The following NCOA2 variants were observed in gnomAD, a reference collection of about 807,000 sequenced individuals.
The protein encoded by NCOA2 is nuclear receptor coactivator 2.
NCOA2 carries 21 observed loss-of-function variants against 145.1 expected under a neutral mutation model. The observed-to-expected ratio is 0.14, with a 90% CI of 0.10 to 0.21. NCOA2 has a LOEUF of 0.21. NCOA2 is among the 10% of genes least tolerant of loss of function. The pLI is 1.00. For synonymous variants in NCOA2, 619 were observed against 637.5 expected (o/e 0.97, Z 0.44); for missense variants, 1,472 against 1,837.6 (o/e 0.80, Z 3.64).
intron 5 of NCOA2, among the ~76,000 whole-genome samples, chr8:70,171,470 C>T (rs1180054394): frequency 1.3e-5 from 2 of 152,136 alleles, no homozygotes; most frequent in Non-Finnish European, 2.9e-5. Context: ...TCATGTTTAC[C>T]TTGGTGATGG....
chr8:70,159,246 T>TATATATATA lies in NCOA2; in HGVS notation c.1124+258_1124+259insTATATATAT, dbSNP rs1812687288. On this transcript the variant is annotated intron_variant, in intron 10 of 22. Transcript: ENST00000452400. ...ATTATATATATATATATATATATTT[T>TATATATATA]TTTTTTTTTCCCCCAAATATTTTCC... 1.2e-4 allele frequency among the ~76,000 whole-genome samples: 10 copies of TATATATATA among 86,354 alleles called. 1 individual carries two copies. The highest frequency in any genetic ancestry group is 2.7e-4 in the Admixed American group (2 of 7,522). 56.7% of individuals were successfully genotyped at this position (86,354 alleles called of 152,430 possible).
At chr8:70,206,585 G>A (rs116862037) in intron 4 of NCOA2, among the ~76,000 whole-genome samples, 166 of 152,206 alleles carry the variant, frequency 1.1e-3, no homozygotes, top group Middle Eastern at 3.4e-3. Context: ...CTAGAATCTG[G>A]AGAGGATGGT....
intron 1 of NCOA2, among the ~76,000 whole-genome samples, chr8:70,331,001 G>A (rs182661997): frequency 9.2e-5 from 14 of 151,474 alleles, no homozygotes; most frequent in East Asian, 6.0e-4. Context: ...AAAGCCTCCC[G>A]TACTCCCACT....
chr8:70,309,037 C>T (rs1828103377), intron 1 of NCOA2, among the ~76,000 whole-genome samples: 1 of 152,160 alleles, frequency 6.6e-6, no homozygotes, highest in Admixed American at 6.5e-5. Flanking sequence ...ACTCCTGAAA[C>T]CCTCGATCTT....
At chr8:70,169,258 T>G (rs1813965172) in intron 6 of NCOA2, among the ~76,000 whole-genome samples, 1 of 152,182 alleles carries the variant, frequency 6.6e-6, no homozygotes, top group African/African-American at 2.4e-5. Flanking sequence ...AATCATCACG[T>G]ACTCGGACGA....
At chr8:70,140,454 T>C (rs1810266753) in intron 14 of NCOA2, among the ~76,000 whole-genome samples, 2 of 152,116 alleles carry the variant, frequency 1.3e-5, no homozygotes, top group South Asian at 4.2e-4. Context: ...AGATGTTCTG[T>C]AAGACCTTGC....
At chr8:70,366,829 G>T (rs908471317) in intron 1 of NCOA2, among the ~76,000 whole-genome samples, 2 of 151,838 alleles carry the variant, frequency 1.3e-5, no homozygotes, top group Non-Finnish European at 2.9e-5. Context: ...GCAAAGATGG[G>T]ATCTCAGAAC....
chr8:70,228,017 A>C (rs989143580), intron 2 of NCOA2, among the ~76,000 whole-genome samples: 1 of 151,736 alleles, frequency 6.6e-6, no homozygotes, highest in African/African-American at 2.4e-5. Context: ...AAAAAAAAAA[A>C]AAAAGCCAAA....
At chr8:70,262,980 T>A (rs1399515016) in intron 2 of NCOA2, among the ~76,000 whole-genome samples, 1 of 151,640 alleles carries the variant, frequency 6.6e-6, no homozygotes, top group Non-Finnish European at 1.5e-5. Flanking sequence ...AGATAGAAAA[T>A]TCATTATTAC....
the NCOA2 span, among the ~76,000 whole-genome samples, chr8:70,443,889 A>G: frequency 2.6e-5 from 4 of 152,234 alleles, no homozygotes; most frequent in African/African-American, 7.2e-5. Context: ...AAAGAATAAT[A>G]CTATATATTC....
chr8:70,407,750 C>G (rs892841997), upstream of NCOA2, among the ~76,000 whole-genome samples: 3 of 151,996 alleles, frequency 2.0e-5, no homozygotes, highest in South Asian at 6.2e-4. Flanking sequence ...GAGCCAAGAT[C>G]GCACCACTGC....
rs554476628 is a variant in NCOA2, at chr8:70,236,468, T to A, written c.-19-19704A>T. 7.9e-5 allele frequency among the ~76,000 whole-genome samples: 12 copies of A among 152,188 alleles called. No homozygotes were observed. In the East Asian group the frequency reaches 2.3e-3, roughly 29 times the overall value. On this transcript the variant is annotated intron_variant, in intron 2 of 22. Coordinates refer to ENST00000452400, the MANE Select transcript of NCOA2 (RefSeq NM_006540.4). ...ACTACATACCAGCTCTTACCTAAGT[T>A]CTTTTGCTTGTCATATATGCAATAA...
At chr8:70,242,949 T>G (rs902569599) in intron 2 of NCOA2, among the ~76,000 whole-genome samples, 1 of 152,096 alleles carries the variant, frequency 6.6e-6, no homozygotes, top group African/African-American at 2.4e-5. Flanking sequence ...AATTCTGAAG[T>G]GTAGCAGGAT....
At chr8:70,217,024 G>A (rs920938752) in intron 2 of NCOA2, among the ~76,000 whole-genome samples, 4 of 152,222 alleles carry the variant, frequency 2.6e-5, no homozygotes, top group East Asian at 1.9e-4. Flanking sequence ...CTTTAAACAC[G>A]AGTTGTATTT....
intron 1 of NCOA2, among the ~76,000 whole-genome samples, chr8:70,386,655 T>A (rs558118366): frequency 1.3e-5 from 2 of 152,308 alleles, no homozygotes; most frequent in East Asian, 3.9e-4. Context: ...TTTTAAAAAA[T>A]TAACTAATGC....
intron 9 of NCOA2, among the ~76,000 whole-genome samples, chr8:70,162,444 T>C (rs553313934): frequency 2.0e-5 from 3 of 152,356 alleles, no homozygotes; most frequent in South Asian, 4.1e-4. Context: ...TCTTGTCACA[T>C]ATCTAGAAGC....
chr8:70,344,140 CA>C (rs1484106622), intron 1 of NCOA2, among the ~76,000 whole-genome samples: 7 of 152,192 alleles, frequency 4.6e-5, no homozygotes, highest in African/African-American at 1.7e-4. Flanking sequence ...GGCATGAGCA[CA>C]AACATTTCAG....
chr8:70,201,608 G>T lies in NCOA2; in HGVS notation c.259+12295C>A, dbSNP rs547624620. Reference sequence around the variant, plus strand: ...GTAATTAACAAAAGGTGAACATTTTGTAAGAAGAAATGAACTAAAATATTT... The same window carrying T: ...GTAATTAACAAAAGGTGAACATTTTTTAAGAAGAAATGAACTAAAATATTT... On this transcript the variant is annotated intron_variant, in intron 4 of 22. Transcript: ENST00000452400. Among the ~76,000 whole-genome samples the T allele has an allele frequency of 3.3e-5, 5 of 152,298 alleles. No homozygotes were observed. The South Asian group carries it at 1.0e-3, about 32-fold the overall frequency.
At chr8:70,229,174 T>C (rs1820920527) in intron 2 of NCOA2, among the ~76,000 whole-genome samples, 2 of 152,256 alleles carry the variant, frequency 1.3e-5, no homozygotes, top group Admixed American at 1.3e-4. Context: ...TATTTTCTTC[T>C]GATATTGAAT....
Sources: gnomAD v4.1 joint callset for allele counts (sites outside exome capture counted in the v4.1 genomes callset) on GRCh38, gnomAD v4.1.1 for gene constraint, MANE v1.5 for transcripts, NCBI Gene and HGNC (gene_info 2026-07-23, HGNC 2026-07-21) for gene names.